Variants in STK32B observed in about 807,000 individuals in gnomAD.
STK32B encodes serine/threonine kinase 32B.
STK32B carries 43 observed loss-of-function variants against 52.6 expected under a neutral mutation model. The observed-to-expected ratio is 0.82, with a 90% CI of 0.64 to 1.05. STK32B has a LOEUF of 1.05. Among genes scored for constraint, STK32B ranks in the 50% least tolerant of loss-of-function variants. The pLI, the probability that STK32B is intolerant of heterozygous loss-of-function variation, is 0.00. For synonymous variants in STK32B, 238 were observed against 204.3 expected (o/e 1.17, Z -1.41); for missense variants, 621 against 534.6 (o/e 1.16, Z -1.59).
chr4:5,477,093 G>GAAAC (rs1021172626), intron 11 of STK32B, among the ~76,000 whole-genome samples: 7 of 152,166 alleles, frequency 4.6e-5, no homozygotes, highest in Admixed American at 2.6e-4. Context: ...GCAGAGCAAG[G>GAAAC]AAACAAATAT....
intron 3 of STK32B, among the ~76,000 whole-genome samples, chr4:5,246,833 G>A (rs904014886): frequency 6.6e-6 from 1 of 152,158 alleles, no homozygotes; most frequent in Non-Finnish European, 1.5e-5. Context: ...TTTACTGGAG[G>A]TCCACTTCAG....
intron 2 of STK32B, among the ~76,000 whole-genome samples, chr4:5,158,947 C>G (rs1718089518): frequency 2.0e-5 from 3 of 152,172 alleles, no homozygotes; most frequent in African/African-American, 7.2e-5. Flanking sequence ...TACAGCTTAG[C>G]CCATGGCACC....
chr4:5,318,794 A>G (rs1185842032), intron 3 of STK32B, among the ~76,000 whole-genome samples: 1 of 146,620 alleles, frequency 6.8e-6, no homozygotes, highest in Non-Finnish European at 1.5e-5. Flanking sequence ...AGAATAATAA[A>G]AATAGCAAGT....
At chr4:5,253,575 CA>C (rs2108835588) in intron 3 of STK32B, among the ~76,000 whole-genome samples, 1 of 152,184 alleles carries the variant, frequency 6.6e-6, no homozygotes, top group African/African-American at 2.4e-5. Context: ...GAGGTTTCAC[CA>C]TGTTGGACAG....
chr4:5,040,983 G>T, the STK32B span, among the ~76,000 whole-genome samples: 2 of 152,222 alleles, frequency 1.3e-5, no homozygotes, highest in African/African-American at 4.8e-5. Context: ...TGGGGCCACT[G>T]TTGGGTGTGC....
intron 1 of STK32B, among the ~76,000 whole-genome samples, chr4:5,062,941 T>A (rs1742272218): frequency 6.6e-6 from 1 of 152,262 alleles, no homozygotes; most frequent in Non-Finnish European, 1.5e-5. Flanking sequence ...TCTATTCATT[T>A]TCATTACTGT....
chr4:5,131,098 C>T (rs1715745603), intron 1 of STK32B, among the ~76,000 whole-genome samples: 1 of 152,264 alleles, frequency 6.6e-6, no homozygotes, highest in Non-Finnish European at 1.5e-5. Context: ...GGAGCAGAGC[C>T]ATCACATCTG....
At chr4:5,304,428 T>G (rs1729781507) in intron 3 of STK32B, among the ~76,000 whole-genome samples, 2 of 151,752 alleles carry the variant, frequency 1.3e-5, no homozygotes, top group South Asian at 4.1e-4. Flanking sequence ...TTATGGTTTT[T>G]TTTTTTTTTG....
At chr4:5,026,213 A>T in the STK32B span, among the ~76,000 whole-genome samples, 10 of 152,216 alleles carry the variant, frequency 6.6e-5, no homozygotes, top group Non-Finnish European at 1.3e-4. Flanking sequence ...CTTTCCTGCA[A>T]GCTGTTCAGA....
intron 1 of STK32B, among the ~76,000 whole-genome samples, chr4:5,056,515 C>T (rs959631324): frequency 2.0e-5 from 3 of 152,242 alleles, no homozygotes; most frequent in African/African-American, 7.2e-5. Flanking sequence ...GAAGCAGGCT[C>T]CCCATAATAT....
chr4:5,271,782 C>A (rs1042993962), intron 3 of STK32B, among the ~76,000 whole-genome samples: 1 of 139,770 alleles, frequency 7.2e-6, no homozygotes, highest in Non-Finnish European at 1.5e-5. Flanking sequence ...AATGGGAGTT[C>A]ACTCATGATT....
chr4:5,468,845 G>A (rs746331047), intron 11 of STK32B, among the ~76,000 whole-genome samples: 6 of 152,064 alleles, frequency 3.9e-5, no homozygotes, highest in Non-Finnish European at 8.8e-5. Flanking sequence ...GGCAGATCAC[G>A]AGGTCAGGAT....
chr4:5,126,537 C>T (rs1205826727), intron 1 of STK32B, among the ~76,000 whole-genome samples: 1 of 152,240 alleles, frequency 6.6e-6, no homozygotes, highest in African/African-American at 2.4e-5. Context: ...GGCATCTTCC[C>T]ATGGCAAAGT....
At chr4:5,116,789 C>T (rs923492626) in intron 1 of STK32B, among the ~76,000 whole-genome samples, 5 of 152,182 alleles carry the variant, frequency 3.3e-5, no homozygotes, top group Admixed American at 3.3e-4. Context: ...AACATTTACT[C>T]TTCCATTTGT....
intron 3 of STK32B, among the ~76,000 whole-genome samples, chr4:5,196,907 C>T (rs1721725276): frequency 6.6e-6 from 1 of 152,138 alleles, no homozygotes; most frequent in East Asian, 1.9e-4. Context: ...TCATGACCAT[C>T]TGTGGTGCAG....
At chr4:5,375,201 C>A (rs945578495) in intron 4 of STK32B, among the ~76,000 whole-genome samples, 2 of 152,252 alleles carry the variant, frequency 1.3e-5, no homozygotes, top group South Asian at 2.1e-4. Context: ...CCTCGTCCCC[C>A]ACTCTGTCTG....
At chr4:5,397,986 T>G (rs950844821) in intron 4 of STK32B, among the ~76,000 whole-genome samples, 1 of 152,230 alleles carries the variant, frequency 6.6e-6, no homozygotes, top group Non-Finnish European at 1.5e-5. Context: ...GGAAAAAATA[T>G]TCAAACAATC....
chr4:5,426,052 C>G (rs1057149562), intron 6 of STK32B, among the ~76,000 whole-genome samples: 2 of 152,134 alleles, frequency 1.3e-5, no homozygotes, highest in Non-Finnish European at 2.9e-5. Flanking sequence ...TGAATAAAGC[C>G]ATTATGGACA....
intron 3 of STK32B, among the ~76,000 whole-genome samples, chr4:5,299,661 T>C (rs1729427386): frequency 6.6e-6 from 1 of 152,212 alleles, no homozygotes; most frequent in Non-Finnish European, 1.5e-5. Context: ...CTGCTTTTGT[T>C]ACTGTAGCCT....
Sources: allele counts gnomAD v4.1 joint callset (sites outside exome capture counted in the v4.1 genomes callset), GRCh38; gene constraint gnomAD v4.1.1; transcripts MANE v1.5; gene names NCBI Gene and HGNC (gene_info 2026-07-23, HGNC 2026-07-21).